The following TLK2 variants were observed in gnomAD, a reference collection of about 807,000 sequenced individuals.
TLK2 encodes the protein tousled like kinase 2.
TLK2 carries 6 observed loss-of-function variants against 117.3 expected under a neutral mutation model. That is an observed-to-expected ratio of 0.05 (90% CI 0.03 to 0.10). TLK2 has a LOEUF of 0.10. Ranked by LOEUF, TLK2 falls within the 10% of genes least tolerant of loss-of-function variation. The pLI is 1.00. For missense variants in TLK2, 299 were observed against 901.2 expected (o/e 0.33, Z 8.56); for synonymous variants, 257 against 316.7 (o/e 0.81, Z 2.00).
chr17:62,581,389 A>C (rs1413367462), intron 15 of TLK2, among the ~76,000 whole-genome samples: 1 of 151,686 alleles, frequency 6.6e-6, no homozygotes, highest in African/African-American at 2.4e-5. Context: ...CATCTCCAGA[A>C]CTATATTATG....
chr17:62,507,847 A>C (rs1286096271), intron 2 of TLK2, among the ~76,000 whole-genome samples: 3 of 152,012 alleles, frequency 2.0e-5, no homozygotes, highest in Non-Finnish European at 4.4e-5. Flanking sequence ...CTTGTAACTA[A>C]AGTATTTTTT....
At chr17:62,549,420 A>AGT (rs1555630571) in intron 7 of TLK2, among the ~76,000 whole-genome samples, 15 of 7,470 alleles carry the variant, frequency 2.0e-3, no homozygotes, top group Admixed American at 2.3e-3. Flanking sequence ...AAAAAAAAAA[A>AGT]AAAAAAAAAA....
At chr17:62,500,171 G>T (rs1399748469) in intron 2 of TLK2, among the ~76,000 whole-genome samples, 5 of 151,882 alleles carry the variant, frequency 3.3e-5, no homozygotes, top group Non-Finnish European at 5.9e-5. Flanking sequence ...CTGGGCTCAA[G>T]TGATCCTCCC....
chr17:62,595,910 T>A (rs945175133), intron 16 of TLK2, among the ~76,000 whole-genome samples: 2 of 152,176 alleles, frequency 1.3e-5, no homozygotes, highest in Non-Finnish European at 2.9e-5. Context: ...TTTACAGATA[T>A]GATGTATCAG....
At chr17:62,526,744 C>T (rs1378022452) in intron 6 of TLK2, among the ~76,000 whole-genome samples, 1 of 152,180 alleles carries the variant, frequency 6.6e-6, no homozygotes, top group African/African-American at 2.4e-5. Context: ...CCTCATGCCC[C>T]AAATGTAATC....
intron 10 of TLK2, among the ~76,000 whole-genome samples, chr17:62,561,471 C>T (rs1220858952): frequency 6.6e-6 from 1 of 152,252 alleles, no homozygotes; most frequent in African/African-American, 2.4e-5. Context: ...CTCGGCCTCC[C>T]AAAGTGCTGG....
intron 21 of TLK2, among the ~76,000 whole-genome samples, chr17:62,609,551 T>C (rs1432183237): frequency 6.6e-6 from 1 of 152,200 alleles, no homozygotes; most frequent in Non-Finnish European, 1.5e-5. Context: ...GACTGATGGC[T>C]CCCTGTCCCC....
At chr17:62,549,385 C>A (rs2078208977) in intron 7 of TLK2, among the ~76,000 whole-genome samples, 1 of 32,204 alleles carries the variant, frequency 3.1e-5, no homozygotes, top group Non-Finnish European at 7.3e-5. Context: ...AGTGACAGAG[C>A]AAGACTCCAT....
At chr17:62,535,880 A>G (rs948607739) in intron 6 of TLK2, among the ~76,000 whole-genome samples, 22 of 152,170 alleles carry the variant, frequency 1.4e-4, no homozygotes, top group Non-Finnish European at 2.8e-4. Flanking sequence ...GGTTGAGGGC[A>G]TTATGAAGTT....
At chr17:62,598,215 G>T (rs998245351) in intron 17 of TLK2, among the ~76,000 whole-genome samples, 2 of 152,146 alleles carry the variant, frequency 1.3e-5, no homozygotes, top group African/African-American at 4.8e-5. Flanking sequence ...TTACTGTTTT[G>T]CCTTGAGCAA....
At chr17:62,548,428 C>T (rs1204954593) in intron 7 of TLK2, among the ~76,000 whole-genome samples, 6 of 151,542 alleles carry the variant, frequency 4.0e-5, no homozygotes, top group African/African-American at 7.3e-5. Flanking sequence ...ACTACAGGCA[C>T]GCACCACCAC....
At chr17:62,511,483 A>G (rs756745394) in intron 2 of TLK2, among the ~76,000 whole-genome samples, 1 of 152,082 alleles carries the variant, frequency 6.6e-6, no homozygotes, top group Non-Finnish European at 1.5e-5. Context: ...TGATCCTCCC[A>G]TCTCAGCCTC....
chr17:62,506,368 A>G (rs1460726024), intron 2 of TLK2, among the ~76,000 whole-genome samples: 1 of 152,202 alleles, frequency 6.6e-6, no homozygotes, highest in Non-Finnish European at 1.5e-5. Flanking sequence ...TATTAGTGAC[A>G]TCTGCTTAGT....
chr17:62,583,054 G>T (rs544598785), intron 15 of TLK2, among the ~76,000 whole-genome samples: 1 of 151,806 alleles, frequency 6.6e-6, no homozygotes, highest in Non-Finnish European at 1.5e-5. Context: ...TCCATCTCTC[G>T]CCTACCGTGT....
chr17:62,601,798 C>T (rs1010480522), intron 18 of TLK2, among the ~76,000 whole-genome samples: 14 of 152,162 alleles, frequency 9.2e-5, no homozygotes, highest in African/African-American at 3.4e-4. Context: ...ATTTTTATTT[C>T]CAGAGCTCAT....
At chr17:62,485,945 C>T (rs1023632176) in intron 2 of TLK2, among the ~76,000 whole-genome samples, 2 of 151,754 alleles carry the variant, frequency 1.3e-5, no homozygotes, top group Non-Finnish European at 2.9e-5. Flanking sequence ...CTCAGCCTCC[C>T]GAGTAGCTGG....
At chr17:62,484,610 C>G (rs537098635) in intron 2 of TLK2, among the ~76,000 whole-genome samples, 11 of 152,124 alleles carry the variant, frequency 7.2e-5, no homozygotes, top group African/African-American at 2.6e-4. Flanking sequence ...TGTATTACTT[C>G]TTTTACCAGT....
In TLK2 at chr17:62,614,616, T is replaced by C. The variant is rs2084005105; in HGVS notation, c.*2051T>C. The C allele has an allele frequency of 6.6e-6, 1 of 152,156 alleles. No individual in the cohort carries two copies. Among genetic ancestry groups the C allele is most frequent in the Non-Finnish European group, 1.5e-5 (1 of 68,026 alleles). The allele number at this position is 152,156 out of a possible 1,614,324, so 9.4% of individuals were successfully genotyped here. A position where few individuals can be genotyped will look rare whatever the true frequency, so the allele number is the denominator to read the frequency against. ...GTGTTTCAAATTGGAGAGAAGTTCATGGGTAGGTATCGTCCTGTGGAATTC... is the reference window on the plus strand; with the variant it reads ...GTGTTTCAAATTGGAGAGAAGTTCACGGGTAGGTATCGTCCTGTGGAATTC... On this transcript the variant is annotated 3_prime_UTR_variant, in exon 22 of 22. Coordinates refer to ENST00000346027, the MANE Select transcript of TLK2 (RefSeq NM_006852.6).
At chr17:62,490,214 G>A (rs2072962933) in intron 2 of TLK2, among the ~76,000 whole-genome samples, 1 of 152,180 alleles carries the variant, frequency 6.6e-6, no homozygotes, top group Non-Finnish European at 1.5e-5. Context: ...ACATATACTA[G>A]ACCTTCTCAT....
Sources: gnomAD v4.1 joint callset for allele counts (sites outside exome capture counted in the v4.1 genomes callset) on GRCh38, gnomAD v4.1.1 for gene constraint, MANE v1.5 for transcripts, NCBI Gene and HGNC (gene_info 2026-07-23, HGNC 2026-07-21) for gene names.